The following PTPRS variants were observed in gnomAD, a reference collection of about 807,000 sequenced individuals.
PTPRS encodes the protein protein tyrosine phosphatase receptor type S.
Under a neutral mutation model 215.3 loss-of-function variants are expected in PTPRS, and 63 were observed. The observed-to-expected ratio is 0.29, with a 90% CI of 0.24 to 0.36. The LOEUF (loss-of-function observed/expected upper bound fraction) is 0.36, where lower values mean the gene tolerates loss of function less well. Among genes scored for constraint, PTPRS ranks in the 10% least tolerant of loss-of-function variants. PTPRS has a pLI of 1.00. For missense variants in PTPRS, 2,258 were observed against 2,825.8 expected, an observed-to-expected ratio of 0.80 and a Z score of 4.56; for synonymous variants, 1,404 against 1,191.4, an observed-to-expected ratio of 1.18 and a Z score of -3.68.
chr19:5,223,192 C>T lies in PTPRS; in HGVS notation c.2600G>A (p.Arg867His), dbSNP rs1416280955. ...CGAGTCCTCACGGCCAAACTGCAGG[C>T]GGTAGCCCAGCACCTGGTCCTCCGC... ...GTAEDQVLGY[R>H]LQFGREDSTP... The change falls in exon 18 of 38, where the codon CGC becomes CAC. Residue 867 changes from arginine (R) to histidine (H), a missense_variant. Arg to His is a conservative substitution (Grantham distance 29, BLOSUM62 0). This residue lies in a region of PTPRS where 361 missense variants were observed against 332.6 expected (regional missense o/e 1.09). Coordinates refer to ENST00000262963, the MANE Select transcript of PTPRS (RefSeq NM_002850.4). 5.8e-6 allele frequency: 9 copies of T among 1,549,856 alleles called. No homozygotes were observed. In the African/African-American group the frequency reaches 1.1e-4, roughly 19 times the overall value.
At position 5,215,544 on chromosome 19, in the gene PTPRS, TC is replaced by T; in HGVS notation, c.4147del (p.Glu1383SerfsTer33). ...GAGGCTGTCGTTGGCCTTGAGCCGC[TC>T]CGTGTGCTCCGCCATGTCTGCGATG... is the stretch of plus-strand genomic sequence containing the variant. ...IPIADMAEHTERLKANDSLKL... is the reference protein window; with the variant it reads ...IPIADMAEHTXRLKANDSLKL... On this transcript the variant is annotated frameshift_variant, in exon 27 of 38. Transcript: ENST00000262963. LOFTEE classifies it high-confidence loss of function. The T allele has an allele frequency of 6.2e-7, 1 of 1,612,052 alleles. No individual in the cohort carries two copies. The highest frequency in any genetic ancestry group is 8.5e-7 in the Non-Finnish European group (1 of 1,178,760).
chr19:5,331,127 T>TAAAAAAA (rs1568622692), intron 1 of PTPRS, among the ~76,000 whole-genome samples: 7 of 80,700 alleles, frequency 8.7e-5, no homozygotes, highest in African/African-American at 3.3e-4. Flanking sequence ...GCTTCTTTTT[T>TAAAAAAA]TAAAAAAAAA....
At chr19:5,288,006 ACAC>A (rs2048507481) in intron 1 of PTPRS, among the ~76,000 whole-genome samples, 6 of 130,156 alleles carry the variant, frequency 4.6e-5, no homozygotes, top group East Asian at 4.7e-4. Flanking sequence ...ACACACACAC[ACAC>A]AATCAGGCAA....
At position 5,210,484 on chromosome 19, in the gene PTPRS, C is replaced by T. The variant is rs1211232538; in HGVS notation, c.5472G>A (p.Lys1824=). 4 of 1,614,086 alleles carry T rather than the reference C, an allele frequency of 2.5e-6. No individual in the cohort carries two copies. In the African/African-American group the frequency reaches 5.3e-5, roughly 22 times the overall value. Residue 1824 remains lysine (K), a synonymous_variant, in exon 35 of 38, where the codon AAG becomes AAA. Transcript: ENST00000262963. This position sits in a 1 kb window ranked among gnomAD's most constrained non-coding sequence, Gnocchi z 4.5. ...CTTCACTCACCCGGGCATCTGTGAC[C>T]TTGAACTCTCGCAGGATATACTGAG... ...NMPQYILREF[K]VTDARDGQSR... is the part of the protein sequence containing the mutation.
intron 1 of PTPRS, among the ~76,000 whole-genome samples, chr19:5,296,713 A>AGGAGC: frequency 1.1e-5 from 1 of 93,530 alleles, no homozygotes; most frequent in Non-Finnish European, 2.0e-5. Flanking sequence ...GGAGACAAAG[A>AGGAGC]GGAGGGGAGG....
chr19:5,291,718 T>C (rs2048833652), intron 1 of PTPRS, among the ~76,000 whole-genome samples: 2 of 151,846 alleles, frequency 1.3e-5, no homozygotes, highest in Non-Finnish European at 2.9e-5. Flanking sequence ...GTTCATCCTG[T>C]AAGCTGCAGC....
chr19:5,332,231 G>A (rs1467955846), intron 1 of PTPRS, among the ~76,000 whole-genome samples: 1 of 151,910 alleles, frequency 6.6e-6, no homozygotes. Context: ...AGGTTCAAGC[G>A]ATTCTCCTGT....
chr19:5,243,947 G>A lies in PTPRS; in HGVS notation c.1524C>T (p.Gly508=), dbSNP rs138798249. ...TVRVLAFTSV[G]DGPLSDPIQV... ...GGATGGGGTCCGAGAGGGGCCCGTC[G>A]CCGACGGAGGTGAAGGCGAGCACCC... The change falls in exon 11 of 38, where the codon GGC becomes GGT. Residue 508 remains glycine (G), a synonymous_variant. Transcript: ENST00000262963. 1.1e-5 allele frequency: 17 copies of A among 1,583,580 alleles called. No individual in the cohort carries two copies. The highest frequency in any genetic ancestry group is 5.1e-5 in the Admixed American group (3 of 58,678).
chr19:5,278,478 ATTTAT>A (rs879531131), intron 2 of PTPRS, among the ~76,000 whole-genome samples: 1 of 150,612 alleles, frequency 6.6e-6, no homozygotes, highest in African/African-American at 2.4e-5. Context: ...TTGATTACTT[ATTTAT>A]TTATTTATTT....
intron 1 of PTPRS, among the ~76,000 whole-genome samples, chr19:5,324,628 C>T (rs1428172003): frequency 6.6e-6 from 1 of 152,196 alleles, no homozygotes; most frequent in Admixed American, 6.5e-5. Flanking sequence ...TGCCACAAAG[C>T]GTGGGGTCAG....
intron 25 of PTPRS, among the ~76,000 whole-genome samples, chr19:5,217,020 T>C (rs552042415): frequency 6.6e-6 from 1 of 152,334 alleles, no homozygotes; most frequent in East Asian, 1.9e-4. Flanking sequence ...TGCTAGGTTC[T>C]TCTGTCTACA....
intron 2 of PTPRS, among the ~76,000 whole-genome samples, chr19:5,278,662 A>T (rs2047596803): frequency 6.6e-6 from 1 of 151,566 alleles, no homozygotes; most frequent in Admixed American, 6.6e-5. Flanking sequence ...TTTAGTAGAG[A>T]CAGGGTTTCC....
At chr19:5,245,693 C>T (rs2145982950) in intron 10 of PTPRS, 83 bp downstream of exon 10, 1 of 1,486,748 alleles carries the variant, frequency 6.7e-7, no homozygotes, top group East Asian at 2.4e-5. Context: ...GAGGTGCTCC[C>T]ACGCTGCCTC....
chr19:5,258,163 G>A (rs774954023), intron 7 of PTPRS, 36 bp from the exon 8 acceptor site: 14 of 1,553,560 alleles, frequency 9.0e-6, no homozygotes, highest in Non-Finnish European at 1.2e-5. Context: ...GTCTGTTAGA[G>A]GGGGGCCCAG....
intron 1 of PTPRS, chr19:5,292,817 C>T (rs1160361863): frequency 6.6e-6 from 1 of 151,698 alleles, no homozygotes; most frequent in Non-Finnish European, 1.5e-5. Flanking sequence ...AAGGCTGCCC[C>T]GCGCCTGGCT....
At chr19:5,260,180 CTTTT>C (rs1169287515) in intron 7 of PTPRS, among the ~76,000 whole-genome samples, 1 of 135,900 alleles carries the variant, frequency 7.4e-6, no homozygotes, top group Non-Finnish European at 1.6e-5. Flanking sequence ...CGTTTTGTTT[CTTTT>C]TTTTTTTTTT....
At chr19:5,340,467 C>G (rs1277507171) in intron 1 of PTPRS, among the ~76,000 whole-genome samples, 197 bp downstream of exon 1, 1 of 150,532 alleles carries the variant, frequency 6.6e-6, no homozygotes, top group Non-Finnish European at 1.5e-5. Flanking sequence ...GGGGCATTGT[C>G]CGGGCGCAGC....
chr19:5,292,025 C>A (rs12462513), intron 1 of PTPRS, among the ~76,000 whole-genome samples: 31,362 of 151,986 alleles, frequency 0.21, 4,243 homozygotes, highest in East Asian at 0.58. Context: ...GTCCTCAGGG[C>A]TCAGCTGAGC....
chr19:5,272,595 CAAAAAAAAAAAAAAAAAAAAAAAAAA>C (rs10527451), intron 4 of PTPRS, among the ~76,000 whole-genome samples: 26 of 73,396 alleles, frequency 3.5e-4, no homozygotes, highest in South Asian at 1.3e-3. Flanking sequence ...AAGACTGTCT[CAAAAAAAAAAAAAAAAAAAAAAAAAA>C]AAAAAAAAAA....
Sources: gnomAD v4.1 joint callset for allele counts (sites outside exome capture counted in the v4.1 genomes callset) on GRCh38, gnomAD v4.1.1 for gene constraint, gnomAD v4.1.1 regional missense constraint, Gnocchi (gnomAD v3.1) non-coding constraint, MANE v1.5 for transcripts, NCBI Gene and HGNC (gene_info 2026-07-23, HGNC 2026-07-21) for gene names.